Variants in EBF3 observed in about 807,000 individuals in gnomAD.
EBF3 encodes transcription factor COE3.
EBF3 carries 18 observed loss-of-function variants against 77.1 expected under a neutral mutation model. That is an observed-to-expected ratio of 0.23 (90% confidence interval 0.16 to 0.35). The LOEUF is 0.35. EBF3 is among the 10% of genes least tolerant of loss of function. The probability of loss-of-function intolerance (pLI) is 1.00; values close to 1 mark genes in which losing one functional copy is unlikely to be tolerated. For missense variants in EBF3, 558 were observed against 860.0 expected (o/e 0.65, Z 4.39); for synonymous variants, 350 against 343.5 (o/e 1.02, Z -0.21).
At chr10:129,927,266 G>A (rs985151051) in intron 6 of EBF3, among the ~76,000 whole-genome samples, 2 of 152,206 alleles carry the variant, frequency 1.3e-5, no homozygotes, top group African/African-American at 2.4e-5. Flanking sequence ...CTTGGTCCCC[G>A]TGGTGGCCAT....
chr10:129,922,424 C>G (rs1856375913), intron 6 of EBF3, among the ~76,000 whole-genome samples: 1 of 152,256 alleles, frequency 6.6e-6, no homozygotes, highest in Admixed American at 6.5e-5. Flanking sequence ...CCCCCCGGCC[C>G]TCAGCACCTA....
At position 129,836,998 on chromosome 10, in the gene EBF3, A is replaced by G. The variant is rs1849651738; in HGVS notation, c.*945T>C. ...AAAAAAATTCAAGACAAGTGTATAA[A>G]TATTTAGCTACAACTTTGGCAAAAT... On this transcript the variant is annotated 3_prime_UTR_variant, in exon 17 of 17. Transcript: ENST00000440978. The G allele has an allele frequency of 6.6e-6, 1 of 152,652 alleles. No homozygotes were observed. Among genetic ancestry groups the G allele is most frequent in the African/African-American group, 2.4e-5 (1 of 41,454 alleles). The allele number at this position is 152,652 out of a possible 1,614,324, so 9.5% of individuals were successfully genotyped here.
In EBF3 at chr10:129,943,571, T is replaced by C. The variant is rs1425811368; in HGVS notation, c.554+13687A>G. On this transcript the variant is annotated intron_variant, in intron 6 of 16. Coordinates refer to ENST00000440978, the MANE Select transcript of EBF3 (RefSeq NM_001375380.1). The surrounding 1 kb of genome is among the most constrained non-coding windows in gnomAD (Gnocchi z 8.8). ...TTGGATGCTAGGGATGAGCCTCAAG[T>C]GGTTGCCAGGAGTCGCCAGCCGGGC... Among the ~76,000 whole-genome samples the C allele has an allele frequency of 6.6e-6, 1 of 152,176 alleles. No individual in the cohort carries two copies. The highest frequency in any genetic ancestry group is 1.9e-4 in the East Asian group (1 of 5,196).
At chr10:129,866,570 C>G (rs918795946) in intron 10 of EBF3, among the ~76,000 whole-genome samples, 1 of 152,184 alleles carries the variant, frequency 6.6e-6, no homozygotes, top group Non-Finnish European at 1.5e-5. Flanking sequence ...GAGTCTGTCC[C>G]GCACCCTCAA....
chr10:129,892,188 G>A (rs184556817), intron 6 of EBF3, among the ~76,000 whole-genome samples: 23 of 152,354 alleles, frequency 1.5e-4, no homozygotes, highest in East Asian at 9.6e-4. Flanking sequence ...GATGAGTAGC[G>A]GGGCTCTTAG....
At chr10:129,854,498 A>G (rs567824830) in intron 10 of EBF3, among the ~76,000 whole-genome samples, 91 of 143,640 alleles carry the variant, frequency 6.3e-4, no homozygotes, top group African/African-American at 2.6e-3. Context: ...AGTAACAAGC[A>G]AAAATAGAAA....
intron 6 of EBF3, among the ~76,000 whole-genome samples, chr10:129,880,343 ATGCCC>A (rs1853108725): frequency 7.1e-6 from 1 of 139,938 alleles, no homozygotes; most frequent in Non-Finnish European, 1.7e-5. Context: ...ATACACACAC[ATGCCC>A]ACAGACACAC....
chr10:129,938,690 C>A lies in EBF3; in HGVS notation c.554+18568G>T, dbSNP rs546465310. Among the ~76,000 whole-genome samples the A allele has an allele frequency of 6.6e-6, 1 of 152,218 alleles. No homozygotes were observed. Among genetic ancestry groups the A allele is most frequent in the Non-Finnish European group, 1.5e-5 (1 of 68,040 alleles). ...TTGGCTGTTGTCCACGAGAAAGGTG[C>A]GGCTGCAACCGACGAGCACTGCCTT... On this transcript the variant is annotated intron_variant, in intron 6 of 16. Coordinates refer to ENST00000440978, the MANE Select transcript of EBF3 (RefSeq NM_001375380.1). This position sits in a 1 kb window ranked among gnomAD's most constrained non-coding sequence, Gnocchi z 5.1.
At chr10:129,948,086 G>A (rs757596449) in intron 6 of EBF3, among the ~76,000 whole-genome samples, 66 of 151,734 alleles carry the variant, frequency 4.3e-4, no homozygotes, top group Admixed American at 3.3e-4. Context: ...GTGAAACCCC[G>A]TCTCTACTAC....
rs890010257 is a variant in EBF3 at position 129,952,001 on chromosome 10, G to A, written c.554+5257C>T. Among the ~76,000 whole-genome samples, 15 of 152,256 alleles carry A rather than the reference G, an allele frequency of 9.9e-5. No individual in the cohort carries two copies. Among genetic ancestry groups the A allele is most frequent in the Non-Finnish European group, 2.1e-4 (14 of 68,046 alleles). On this transcript the variant is annotated intron_variant, in intron 6 of 16. Transcript: ENST00000440978. The surrounding 1 kb of genome is among the most constrained non-coding windows in gnomAD (Gnocchi z 4.7). ...ACAGCCATTCACACCTGAGCCCGGC[G>A]AAGCCAAATGGGGCCGGTGCCAGCC... is the stretch of plus-strand genomic sequence containing the variant.
At chr10:129,956,353 A>G (rs1349344523) in intron 6 of EBF3, among the ~76,000 whole-genome samples, 1 of 152,238 alleles carries the variant, frequency 6.6e-6, no homozygotes, top group African/African-American at 2.4e-5. Flanking sequence ...TACACGTCTA[A>G]CATTTATTCA....
At chr10:129,869,490 T>G (rs568209311) in intron 8 of EBF3, among the ~76,000 whole-genome samples, 1 of 152,240 alleles carries the variant, frequency 6.6e-6, no homozygotes, top group South Asian at 2.1e-4. Flanking sequence ...ATTAGGTTGT[T>G]CATCTTATTT....
chr10:129,840,746 C>T, intron 14 of EBF3, 98 bp downstream of exon 14: 59 of 1,485,990 alleles, frequency 4.0e-5, no homozygotes, highest in Non-Finnish European at 5.2e-5. Context: ...TCCTTTTATC[C>T]AGTAGCTCAC....
chr10:129,878,512 T>TA (rs1165842791), intron 6 of EBF3, among the ~76,000 whole-genome samples: 1 of 151,468 alleles, frequency 6.6e-6, no homozygotes, highest in Non-Finnish European at 1.5e-5. Flanking sequence ...CTACTAAAAA[T>TA]ACAAAAATCA....
At chr10:129,924,068 T>A (rs915830492) in intron 6 of EBF3, among the ~76,000 whole-genome samples, 4 of 151,996 alleles carry the variant, frequency 2.6e-5, no homozygotes, top group African/African-American at 7.3e-5. Context: ...GAAATGCAAA[T>A]CCAAGCCACA....
At chr10:129,859,506 T>C (rs1326221322) in intron 10 of EBF3, among the ~76,000 whole-genome samples, 2 of 152,252 alleles carry the variant, frequency 1.3e-5, no homozygotes, top group African/African-American at 2.4e-5. Context: ...ATTACAGGCA[T>C]GAGCCACCAC....
At chr10:129,954,212 A>T (rs1309073987) in intron 6 of EBF3, among the ~76,000 whole-genome samples, 2 of 152,128 alleles carry the variant, frequency 1.3e-5, no homozygotes, top group Admixed American at 6.5e-5. Context: ...TTTATTGACC[A>T]TGCTTTTTAC....
intron 6 of EBF3, among the ~76,000 whole-genome samples, chr10:129,942,292 GC>G (rs1564911553): frequency 1.3e-5 from 2 of 152,124 alleles, no homozygotes; most frequent in African/African-American, 4.8e-5. Context: ...CCCTTCTTTA[GC>G]CCTGTGGACC....
intron 10 of EBF3, among the ~76,000 whole-genome samples, chr10:129,860,215 A>G (rs983115280): frequency 9.2e-5 from 14 of 151,826 alleles, no homozygotes; most frequent in African/African-American, 3.4e-4. Flanking sequence ...AGAAACTCAA[A>G]AGTCCGGAGT....
Sources: allele counts gnomAD v4.1 joint callset (sites outside exome capture counted in the v4.1 genomes callset), GRCh38; gene constraint gnomAD v4.1.1; non-coding constraint Gnocchi (gnomAD v3.1); transcripts MANE v1.5; gene names NCBI Gene and HGNC (gene_info 2026-07-23, HGNC 2026-07-21).